Variants in SLC6A15 observed in about 807,000 individuals in gnomAD.
SLC6A15 encodes the protein sodium-dependent neutral amino acid transporter B(0)AT2.
Under a neutral mutation model 68.5 loss-of-function variants are expected in SLC6A15, and 33 were observed. The observed-to-expected ratio is 0.48, with a 90% CI of 0.37 to 0.64. The LOEUF (loss-of-function observed/expected upper bound fraction) is 0.64, where lower values mean the gene tolerates loss of function less well. Among genes scored for constraint, SLC6A15 ranks in the 30% least tolerant of loss-of-function variants. SLC6A15 has a pLI of 0.00. For missense variants in SLC6A15, 747 were observed against 874.3 expected, an observed-to-expected ratio of 0.85 and a Z score of 1.84; for synonymous variants, 347 against 301.0, an observed-to-expected ratio of 1.15 and a Z score of -1.58.
chr12:84,869,602 C>T (rs1871205965), intron 9 of SLC6A15, among the ~76,000 whole-genome samples: 2 of 151,172 alleles, frequency 1.3e-5, no homozygotes, highest in South Asian at 4.2e-4. Flanking sequence ...GTATGGTTGG[C>T]TTTCTTATTG....
At chr12:84,889,631 C>T (rs187789572) in intron 2 of SLC6A15, among the ~76,000 whole-genome samples, 165 of 152,268 alleles carry the variant, frequency 1.1e-3, no homozygotes, top group African/African-American at 3.6e-3. Context: ...GCTTTAAATA[C>T]ATATATTTGA....
intron 1 of SLC6A15, among the ~76,000 whole-genome samples, chr12:84,902,973 C>A (rs1872954778): frequency 6.6e-6 from 1 of 151,958 alleles, no homozygotes; most frequent in Non-Finnish European, 1.5e-5. Context: ...TTTCACAGAG[C>A]TATAAACGTG....
intron 4 of SLC6A15, 72 bp downstream of exon 4, chr12:84,885,363 A>T: frequency 7.4e-7 from 1 of 1,345,830 alleles, no homozygotes; most frequent in South Asian, 2.0e-5. Context: ...AAAGAAAAAA[A>T]TCTTGAAAGC....
chr12:84,904,891 G>A (rs951005833), intron 1 of SLC6A15, among the ~76,000 whole-genome samples: 14 of 152,042 alleles, frequency 9.2e-5, no homozygotes, highest in Non-Finnish European at 1.9e-4. Context: ...ATAAGAAATA[G>A]AACATTTAAT....
chr12:84,895,510 G>C (rs762736275), intron 1 of SLC6A15, among the ~76,000 whole-genome samples: 1 of 151,320 alleles, frequency 6.6e-6, no homozygotes, highest in Non-Finnish European at 1.5e-5. Context: ...CCCCATGCCC[G>C]GCTAATTTTT....
intron 2 of SLC6A15, among the ~76,000 whole-genome samples, chr12:84,888,058 C>T (rs1218155049): frequency 2.0e-5 from 3 of 150,806 alleles, no homozygotes; most frequent in African/African-American, 4.9e-5. Context: ...AGACGCCCCC[C>T]GTCTCTACTA....
rs1418496455 is a variant in SLC6A15, at chr12:84,873,391, A to G, written c.868-63T>C. ...TAATGTTTCAGAATAATTAATTTTT[A>G]TGGAATTTACTGTTTATGGAGTATA... On this transcript the variant is annotated intron_variant, in intron 6 of 11. Transcript: ENST00000266682. 4 of 1,565,488 alleles carry G rather than the reference A, an allele frequency of 2.6e-6. No homozygotes were observed. In the East Asian group the frequency reaches 6.7e-5, roughly 26 times the overall value.
intron 1 of SLC6A15, among the ~76,000 whole-genome samples, chr12:84,893,544 G>T (rs1196890987): frequency 1.3e-5 from 2 of 152,040 alleles, no homozygotes; most frequent in Non-Finnish European, 2.9e-5. Flanking sequence ...TGAAAAATAT[G>T]ACTGCTTCTC....
rs1592596204 is a variant in SLC6A15 at position 84,873,306 on chromosome 12, T to C, written c.890A>G (p.Lys297Arg). Residue 297 changes from lysine (K) to arginine (R), a missense_variant, in exon 7 of 12, where the codon AAG becomes AGG. Transcript: ENST00000266682. ...TTGAGTAGCAGCTTCTCTCCAGACC[T>C]TGGGCTCCAGCATTATTTCAAGCTG... ...TPKLEIMLEP[K>R]VWREAATQVF... The C allele has an allele frequency of 1.9e-6, 3 of 1,613,990 alleles. No homozygotes were observed. Among genetic ancestry groups the C allele is most frequent in the South Asian group, 2.2e-5 (2 of 91,058 alleles).
rs1311564650 is a variant in SLC6A15 at position 84,861,304 on chromosome 12, A to C, written c.*328T>G. On this transcript the variant is annotated 3_prime_UTR_variant, in exon 12 of 12. Transcript: ENST00000266682. The stretch of plus-strand genomic sequence containing the variant: ...CATTTTTAATTGTCAACACTACTAA[A>C]CCCAGAAATTATTAGAAACTGAGGT... 5.0e-6 allele frequency: 1 copy of C among 200,524 alleles called. No homozygotes were observed. Among genetic ancestry groups the C allele is most frequent in the African/African-American group, 2.3e-5 (1 of 43,210 alleles). The allele number at this position is 200,524 out of a possible 1,614,324, so 12.4% of individuals were successfully genotyped here. A position where few individuals can be genotyped will look rare whatever the true frequency, so the allele number is the denominator to read the frequency against.
Position 84,860,424 on chromosome 12 carries a change from G to A in SLC6A15, c.*1208C>T, listed in dbSNP as rs1870797428. The A allele has an allele frequency of 6.6e-6, 1 of 152,060 alleles. No individual in the cohort carries two copies. The highest frequency in any genetic ancestry group is 1.5e-5 in the Non-Finnish European group (1 of 67,946). The allele number at this position is 152,060 out of a possible 1,614,324, so 9.4% of individuals were successfully genotyped here. On this transcript the variant is annotated 3_prime_UTR_variant, in exon 12 of 12. Transcript: ENST00000266682. ...CAATTGTACACATGGTTTCTTGGGA[G>A]GCTGTAAGTACTTTTTCAAGAATCA...
intron 1 of SLC6A15, among the ~76,000 whole-genome samples, chr12:84,893,824 C>A (rs1348989114): frequency 1.3e-5 from 2 of 152,050 alleles, no homozygotes; most frequent in Non-Finnish European, 2.9e-5. Flanking sequence ...AAAATATATA[C>A]CCTAAGAGCA....
At position 84,870,472 on chromosome 12, in the gene SLC6A15, A is replaced by G; in HGVS notation, c.1495+6T>C. 2.0e-6 allele frequency: 3 copies of G among 1,534,390 alleles called. No individual in the cohort carries two copies. Among genetic ancestry groups the G allele is most frequent in the Non-Finnish European group, 1.8e-6 (2 of 1,140,858 alleles). On this transcript the variant is annotated splice_donor_region_variant and intron_variant, in intron 9 of 11. Coordinates refer to ENST00000266682, the MANE Select transcript of SLC6A15 (RefSeq NM_182767.6). Reference sequence around the variant, plus strand: ...TTCAATGAAAAGTCAAATACAAAAAACTCACCAGTAAGAATTTCTTTCCTC... The same window carrying G: ...TTCAATGAAAAGTCAAATACAAAAAGCTCACCAGTAAGAATTTCTTTCCTC...
intron 1 of SLC6A15, among the ~76,000 whole-genome samples, chr12:84,908,558 C>T (rs1873282429): frequency 6.8e-6 from 1 of 146,558 alleles, no homozygotes; most frequent in Admixed American, 6.9e-5. Flanking sequence ...ATTTTGAATA[C>T]AAAATACTGT....
At chr12:84,911,146 A>C (rs1431721299) in intron 1 of SLC6A15, among the ~76,000 whole-genome samples, 3 of 152,176 alleles carry the variant, frequency 2.0e-5, no homozygotes, top group African/African-American at 7.2e-5. Flanking sequence ...CTGTGTCTGC[A>C]CATAATAATT....
chr12:84,899,204 G>C (rs904062898), intron 1 of SLC6A15, among the ~76,000 whole-genome samples: 1 of 152,180 alleles, frequency 6.6e-6, no homozygotes, highest in Non-Finnish European at 1.5e-5. Flanking sequence ...ATTGGCTAAT[G>C]CCTCATTGAC....
At chr12:84,893,841 T>C (rs1290855981) in intron 1 of SLC6A15, among the ~76,000 whole-genome samples, 1 of 152,156 alleles carries the variant, frequency 6.6e-6, no homozygotes, top group African/African-American at 2.4e-5. Context: ...AGCAAACACT[T>C]CTCGTTTAGG....
At chr12:84,880,582 T>C (rs1871776923) in intron 5 of SLC6A15, among the ~76,000 whole-genome samples, 1 of 152,220 alleles carries the variant, frequency 6.6e-6, no homozygotes, top group Non-Finnish European at 1.5e-5. Context: ...TAGTAAGTGC[T>C]TAATAAATAT....
intron 1 of SLC6A15, among the ~76,000 whole-genome samples, chr12:84,907,087 C>T (rs1487479763): frequency 1.3e-5 from 2 of 152,060 alleles, no homozygotes; most frequent in African/African-American, 4.8e-5. Flanking sequence ...CGGTGGCTCA[C>T]GCCTGTAATC....
Sources: allele counts gnomAD v4.1 joint callset (sites outside exome capture counted in the v4.1 genomes callset), GRCh38; gene constraint gnomAD v4.1.1; transcripts MANE v1.5; gene names NCBI Gene and HGNC (gene_info 2026-07-23, HGNC 2026-07-21).